Variants in SYCP1 observed in about 807,000 individuals in gnomAD.
SYCP1 encodes the protein cancer/testis antigen 8.
SYCP1 carries 64 observed loss-of-function variants against 153.1 expected under a neutral mutation model. That is an observed-to-expected ratio of 0.42 (90% CI 0.34 to 0.51). The LOEUF (loss-of-function observed/expected upper bound fraction) is 0.51, where lower values mean the gene tolerates loss of function less well. Ranked by LOEUF, SYCP1 falls within the 20% of genes least tolerant of loss-of-function variation. SYCP1 has a pLI of 0.06. For synonymous variants in SYCP1, 384 were observed against 341.8 expected, an observed-to-expected ratio of 1.12 and a Z score of -1.36; for missense variants, 997 against 1,049.0, an observed-to-expected ratio of 0.95 and a Z score of 0.68.
At chr1:114,904,835 T>G (rs1409062238) in intron 16 of SYCP1, among the ~76,000 whole-genome samples, 1 of 152,204 alleles carries the variant, frequency 6.6e-6, no homozygotes, top group East Asian at 1.9e-4. Context: ...TGATGTTACT[T>G]GCAGGTTTTT....
intron 27 of SYCP1, among the ~76,000 whole-genome samples, chr1:114,956,652 C>T (rs1352369870): frequency 6.6e-6 from 1 of 152,170 alleles, no homozygotes; most frequent in Non-Finnish European, 1.5e-5. Flanking sequence ...GGTCCCTGGT[C>T]AGCATTCCCA....
intron 6 of SYCP1, among the ~76,000 whole-genome samples, chr1:114,859,417 GT>G (rs1664231715): frequency 6.6e-6 from 1 of 152,040 alleles, no homozygotes; most frequent in African/African-American, 2.4e-5. Context: ...GTAGCATAAA[GT>G]GAAAAAAATG....
intron 23 of SYCP1, among the ~76,000 whole-genome samples, chr1:114,928,133 A>G (rs1669378053): frequency 6.6e-6 from 1 of 152,164 alleles, no homozygotes; most frequent in Non-Finnish European, 1.5e-5. Flanking sequence ...GGCAGAAAAA[A>G]TTAATTGAGA....
intron 21 of SYCP1, among the ~76,000 whole-genome samples, chr1:114,925,799 TAAG>T (rs1265501934): frequency 6.6e-6 from 1 of 152,086 alleles, no homozygotes; most frequent in African/African-American, 2.4e-5. Flanking sequence ...ATTGCAAAGA[TAAG>T]AATGATGAAT....
chr1:114,920,831 T>G (rs1668816632), intron 20 of SYCP1, among the ~76,000 whole-genome samples: 1 of 152,156 alleles, frequency 6.6e-6, no homozygotes. Context: ...GCATGGAGTT[T>G]CTTTTACCGT....
chr1:114,951,336 A>C (rs1024919732), intron 27 of SYCP1, among the ~76,000 whole-genome samples: 1 of 152,232 alleles, frequency 6.6e-6, no homozygotes, highest in Non-Finnish European at 1.5e-5. Flanking sequence ...AGATAAAGAA[A>C]GAATACCTTT....
intron 29 of SYCP1, among the ~76,000 whole-genome samples, chr1:114,983,236 A>AT (rs1673280452): frequency 6.6e-6 from 1 of 151,960 alleles, no homozygotes; most frequent in Admixed American, 6.6e-5. Context: ...GTGGCCTTCT[A>AT]TATTTCCAGG....
intron 23 of SYCP1, among the ~76,000 whole-genome samples, chr1:114,928,649 A>G (rs1669418782): frequency 6.6e-6 from 1 of 152,208 alleles, no homozygotes; most frequent in South Asian, 2.1e-4. Context: ...AGGAAAACAA[A>G]TTGCTATTAT....
At chr1:114,929,822 A>G (rs1418316679) in intron 23 of SYCP1, among the ~76,000 whole-genome samples, 1 of 152,112 alleles carries the variant, frequency 6.6e-6, no homozygotes, top group Non-Finnish European at 1.5e-5. Flanking sequence ...AAGGATGTAG[A>G]AAATCTGAAC....
chr1:114,979,316 T>G (rs527271434), intron 28 of SYCP1, among the ~76,000 whole-genome samples: 1 of 151,806 alleles, frequency 6.6e-6, no homozygotes, highest in Non-Finnish European at 1.5e-5. Flanking sequence ...AATGAGATGG[T>G]ATTTGTAAAA....
rs1335621630 is a variant in SYCP1, at chr1:114,948,571, T to G, written c.2322+1251T>G. ...TGGAAAATCTCACACATCTTTCATC[T>G]TATAGTTGTGAGCTTACTATATATG... On this transcript the variant is annotated intron_variant, in intron 27 of 31. Transcript: ENST00000369522. Among the ~76,000 whole-genome samples, 3 of 152,228 alleles carry G rather than the reference T, an allele frequency of 2.0e-5. No individual in the cohort carries two copies. The East Asian group carries it at 5.8e-4, about 29-fold the overall frequency.
In SYCP1 at chr1:114,995,100, A is replaced by C. The variant is rs1261458896; in HGVS notation, c.*81A>C. The C allele has an allele frequency of 1.5e-6, 2 of 1,355,036 alleles. No homozygotes were observed. Among genetic ancestry groups the C allele is most frequent in the Admixed American group, 5.5e-5 (2 of 36,530 alleles). The allele number at this position is 1,355,036 out of a possible 1,614,324, so 83.9% of individuals were successfully genotyped here. ...TTTTGTTCTTATTTGCCAGAGCCAA[A>C]TTTTATCTGGAAGTTGAGACTTAAA... is the stretch of plus-strand genomic sequence containing the variant. On this transcript the variant is annotated 3_prime_UTR_variant, in exon 32 of 32. Transcript: ENST00000369522.
intron 23 of SYCP1, among the ~76,000 whole-genome samples, chr1:114,940,747 A>T (rs1670331772): frequency 6.6e-6 from 1 of 152,114 alleles, no homozygotes; most frequent in African/African-American, 2.4e-5. Context: ...TATATTGTAT[A>T]GTTGTTGGGT....
At chr1:114,859,195 C>A (rs1664212481) in intron 6 of SYCP1, among the ~76,000 whole-genome samples, 1 of 152,172 alleles carries the variant, frequency 6.6e-6, no homozygotes, top group Non-Finnish European at 1.5e-5. Flanking sequence ...TCAAGCGATT[C>A]TTCTGCCTCA....
chr1:114,899,920 G>A (rs1480494341), intron 16 of SYCP1, among the ~76,000 whole-genome samples: 2 of 152,164 alleles, frequency 1.3e-5, no homozygotes, highest in Non-Finnish European at 2.9e-5. Context: ...TTGATTTTGG[G>A]AAGCCTGTAA....
At chr1:114,970,848 G>A (rs1229118348) in intron 27 of SYCP1, among the ~76,000 whole-genome samples, 1 of 152,128 alleles carries the variant, frequency 6.6e-6, no homozygotes, top group African/African-American at 2.4e-5. Flanking sequence ...GAGAGTCCTT[G>A]GTTGTAGTTT....
intron 23 of SYCP1, among the ~76,000 whole-genome samples, chr1:114,931,326 C>G (rs924839498): frequency 9.9e-5 from 15 of 152,040 alleles, no homozygotes; most frequent in African/African-American, 3.6e-4. Context: ...TGACTATCTA[C>G]ATGGAAATTT....
chr1:114,895,395 T>C (rs1449879653), intron 15 of SYCP1, 53 bp from the exon 16 acceptor site: 2 of 1,212,128 alleles, frequency 1.6e-6, no homozygotes, highest in East Asian at 2.5e-5. Context: ...TCTGTCTCTT[T>C]TCCTATTCTT....
chr1:114,933,679 C>T (rs998298479), intron 23 of SYCP1, among the ~76,000 whole-genome samples: 1 of 152,154 alleles, frequency 6.6e-6, no homozygotes, highest in Non-Finnish European at 1.5e-5. Context: ...AGACGGCTAA[C>T]TAGAATAAAC....
Sources: allele counts gnomAD v4.1 joint callset (sites outside exome capture counted in the v4.1 genomes callset), GRCh38; gene constraint gnomAD v4.1.1; transcripts MANE v1.5; gene names NCBI Gene and HGNC (gene_info 2026-07-23, HGNC 2026-07-21).